The following PHKB variants were observed in gnomAD, a reference collection of about 807,000 sequenced individuals.
PHKB encodes the protein phosphorylase b kinase regulatory subunit beta.
PHKB carries 122 observed loss-of-function variants against 152.1 expected under a neutral mutation model. The ratio of observed to expected loss-of-function variants is 0.80; its 90% CI spans 0.69 to 0.93. The LOEUF (loss-of-function observed/expected upper bound fraction) is 0.93, where lower values mean the gene tolerates loss of function less well. Among genes scored for constraint, PHKB ranks in the 40% least tolerant of loss-of-function variants. PHKB has a pLI of 0.00. For synonymous variants in PHKB, 436 were observed against 464.9 expected, an observed-to-expected ratio of 0.94 and a Z score of 0.80; for missense variants, 1,304 against 1,328.4, an observed-to-expected ratio of 0.98 and a Z score of 0.29.
At position 47,503,352 on chromosome 16, in the gene PHKB, G is replaced by C. The variant is rs1970355977; in HGVS notation, c.405+262G>C. On this transcript the variant is annotated intron_variant, in intron 4 of 30. Transcript: ENST00000323584. The stretch of plus-strand genomic sequence containing the variant: ...TTGTGTTTTGCATCTGGTGTTGCTT[G>C]ATAAAGACCCAGTTTCTCAGGAACC... Among the ~76,000 whole-genome samples, 4 of 152,130 alleles carry C rather than the reference G, an allele frequency of 2.6e-5. No individual in the cohort carries two copies. In the South Asian group the frequency reaches 8.3e-4, roughly 32 times the overall value.
At chr16:47,574,761 G>T (rs903234921) in intron 7 of PHKB, among the ~76,000 whole-genome samples, 7 of 152,118 alleles carry the variant, frequency 4.6e-5, no homozygotes, top group African/African-American at 1.4e-4. Context: ...CCATTCATGA[G>T]GATCCTGACA....
chr16:47,611,754 C>T (rs1972432603), intron 14 of PHKB, among the ~76,000 whole-genome samples: 1 of 152,164 alleles, frequency 6.6e-6, no homozygotes, highest in African/African-American at 2.4e-5. Context: ...TTCTATTGCA[C>T]TGTTTCTCTG....
intron 1 of PHKB, among the ~76,000 whole-genome samples, chr16:47,487,125 T>C (rs767261643): frequency 4.3e-4 from 65 of 152,194 alleles, no homozygotes; most frequent in African/African-American, 1.4e-3. Flanking sequence ...ATTTTTCTGC[T>C]AGAACCCAAA....
intron 10 of PHKB, chr16:47,590,501 T>C (rs1021523216): frequency 6.6e-6 from 1 of 152,318 alleles, no homozygotes; most frequent in East Asian, 1.9e-4. Flanking sequence ...TTGGCAGTGT[T>C]ACAGTCTGTT....
intron 14 of PHKB, among the ~76,000 whole-genome samples, chr16:47,626,988 A>T (rs767871641): frequency 6.6e-6 from 1 of 152,156 alleles, no homozygotes; most frequent in African/African-American, 2.4e-5. Flanking sequence ...GGTTTACTGG[A>T]CTTGCTTCTT....
At chr16:47,461,317 C>A, upstream of PHKB, 4 of 1,553,346 alleles carry the variant, frequency 2.6e-6, no homozygotes, top group Non-Finnish European at 3.5e-6. Flanking sequence ...CAGGCGGCCC[C>A]GGGGGCGGTG....
chr16:47,523,461 C>T (rs1970717609), intron 6 of PHKB, among the ~76,000 whole-genome samples: 1 of 152,330 alleles, frequency 6.6e-6, no homozygotes, highest in South Asian at 2.1e-4. Flanking sequence ...GAATCAGTCT[C>T]CTAGCCTTTG....
intron 7 of PHKB, among the ~76,000 whole-genome samples, chr16:47,576,036 A>G (rs1597097312): frequency 6.6e-6 from 1 of 152,308 alleles, no homozygotes; most frequent in East Asian, 1.9e-4. Flanking sequence ...AGATCGCGCC[A>G]TTGCACTCCA....
chr16:47,523,260 C>G (rs1278256405), intron 6 of PHKB, among the ~76,000 whole-genome samples: 1 of 152,098 alleles, frequency 6.6e-6, no homozygotes, highest in Non-Finnish European at 1.5e-5. Flanking sequence ...CTCCAGAAAT[C>G]AGGTCTCCCT....
At chr16:47,684,669 A>C (rs552566814) in intron 26 of PHKB, among the ~76,000 whole-genome samples, 1 of 152,118 alleles carries the variant, frequency 6.6e-6, no homozygotes, top group Admixed American at 6.5e-5. Context: ...CGGGAAGCTG[A>C]GGCAGGAGAA....
At chr16:47,622,884 A>G (rs1236670473) in intron 14 of PHKB, among the ~76,000 whole-genome samples, 2 of 152,226 alleles carry the variant, frequency 1.3e-5, no homozygotes, top group African/African-American at 4.8e-5. Context: ...AGGAAGTGGG[A>G]GTTTCATGCT....
intron 6 of PHKB, among the ~76,000 whole-genome samples, chr16:47,522,909 A>T (rs1970708908): frequency 6.8e-6 from 1 of 146,862 alleles, no homozygotes; most frequent in African/African-American, 2.5e-5. Flanking sequence ...CCTTGGTATG[A>T]TCTCTGTACA....
chr16:47,684,887 T>G (rs1973934963), intron 26 of PHKB, among the ~76,000 whole-genome samples: 1 of 152,256 alleles, frequency 6.6e-6, no homozygotes, highest in South Asian at 2.1e-4. Context: ...TTCATTGTCC[T>G]TAAGTCAAAC....
At position 47,699,590 on chromosome 16, in the gene PHKB, C is replaced by T; in HGVS notation, c.*224C>T. The T allele has an allele frequency of 1.7e-6, 1 of 590,150 alleles. No individual in the cohort carries two copies. The highest frequency in any genetic ancestry group is 3.1e-6 in the Non-Finnish European group (1 of 326,724). 36.6% of individuals were successfully genotyped at this position (590,150 alleles called of 1,614,324 possible). A position where few individuals can be genotyped will look rare whatever the true frequency, so the allele number is the denominator to read the frequency against. The stretch of plus-strand genomic sequence containing the variant: ...GAAAAAGTTCTCATGATTATGCCAA[C>T]TATAATAGTAATCCTCACTGAGTGA... On this transcript the variant is annotated 3_prime_UTR_variant, in exon 31 of 31. Coordinates refer to ENST00000323584, the MANE Select transcript of PHKB (RefSeq NM_000293.3).
rs536697787 is a variant in PHKB, at chr16:47,699,571, G to A, written c.*205G>A. The A allele has an allele frequency of 1.1e-5, 7 of 630,748 alleles. No individual in the cohort carries two copies. Among genetic ancestry groups the A allele is most frequent in the Non-Finnish European group, 2.0e-5 (7 of 348,232 alleles). 39.1% of individuals were successfully genotyped at this position (630,748 alleles called of 1,614,324 possible). A position where few individuals can be genotyped will look rare whatever the true frequency, so the allele number is the denominator to read the frequency against. ...AATGCTTTTAATCAAGCAGGAAAAA[G>A]TTCTCATGATTATGCCAACTATAAT... is the stretch of plus-strand genomic sequence containing the variant. On this transcript the variant is annotated 3_prime_UTR_variant, in exon 31 of 31. Coordinates refer to ENST00000323584, the MANE Select transcript of PHKB (RefSeq NM_000293.3).
At chr16:47,674,484 G>A (rs911613771) in intron 26 of PHKB, among the ~76,000 whole-genome samples, 1 of 152,016 alleles carries the variant, frequency 6.6e-6, no homozygotes, top group African/African-American at 2.4e-5. Context: ...TCACTTCCTT[G>A]TAATATTCTA....
rs147700037 is a variant in PHKB at position 47,490,712 on chromosome 16, A to G, written c.77-6687A>G. ...TTTCCAGATTACCATAAATTATTTG[A>G]CTGAGAAATTTTAATGAAGCAAAAA... On this transcript the variant is annotated intron_variant, in intron 1 of 30. Coordinates refer to ENST00000323584, the MANE Select transcript of PHKB (RefSeq NM_000293.3). 2.3e-4 allele frequency among the ~76,000 whole-genome samples: 35 copies of G among 152,370 alleles called. 1 individual carries two copies. The East Asian group carries it at 6.7e-3, about 29-fold the overall frequency.
chr16:47,577,592 G>T (rs1203847971), intron 7 of PHKB, among the ~76,000 whole-genome samples: 1 of 151,938 alleles, frequency 6.6e-6, no homozygotes, highest in Admixed American at 6.6e-5. Flanking sequence ...AGATTGTCTT[G>T]GTTTCTTCCT....
chr16:47,482,791 G>A (rs180954604), intron 1 of PHKB, among the ~76,000 whole-genome samples: 70 of 151,896 alleles, frequency 4.6e-4, no homozygotes, highest in Admixed American at 2.0e-3. Flanking sequence ...AGTGATCTCC[G>A]CTCACTGCAA....
Sources: gnomAD v4.1 joint callset for allele counts (sites outside exome capture counted in the v4.1 genomes callset) on GRCh38, gnomAD v4.1.1 for gene constraint, MANE v1.5 for transcripts, NCBI Gene and HGNC (gene_info 2026-07-23, HGNC 2026-07-21) for gene names.